KCNQ3: variants seen among roughly 807,000 people sequenced by gnomAD.
The protein encoded by KCNQ3 is potassium voltage-gated channel subfamily KQT member 3.
Under a neutral mutation model 92.5 loss-of-function variants are expected in KCNQ3, and 30 were observed. That is an observed-to-expected ratio of 0.32 (90% CI 0.24 to 0.44). The LOEUF (loss-of-function observed/expected upper bound fraction) is 0.44. Ranked by LOEUF, KCNQ3 falls within the 20% of genes least tolerant of loss-of-function variation. The pLI is 1.00. For missense variants in KCNQ3, 913 were observed against 1,140.3 expected, an observed-to-expected ratio of 0.80 and a Z score of 2.87; for synonymous variants, 450 against 468.8, an observed-to-expected ratio of 0.96 and a Z score of 0.52.
At chr8:132,210,800 T>C (rs755295967) in intron 1 of KCNQ3, among the ~76,000 whole-genome samples, 7 of 152,204 alleles carry the variant, frequency 4.6e-5, no homozygotes. Context: ...TGATGTTATA[T>C]CAAGAGAGAA....
chr8:132,174,595 G>A (rs1225907325), intron 5 of KCNQ3, among the ~76,000 whole-genome samples: 1 of 152,166 alleles, frequency 6.6e-6, no homozygotes, highest in East Asian at 1.9e-4. Context: ...AAATGTGTAT[G>A]TACACGAGCA....
Position 132,134,300 on chromosome 8 carries a change from G to T in KCNQ3, c.1789C>A (p.Gln597Lys). 2 of 1,613,398 alleles carry T rather than the reference G, an allele frequency of 1.2e-6. No individual in the cohort carries two copies. The highest frequency in any genetic ancestry group is 1.7e-6 in the Non-Finnish European group (2 of 1,179,526). The change falls in exon 13 of 15, where the codon CAA becomes AAA. Residue 597 changes from glutamine to lysine, a missense_variant. Physicochemically the swap from Gln to Lys is moderately conservative, Grantham distance 53. This residue lies in a region of KCNQ3 where 375 missense variants were observed against 376.4 expected (regional missense o/e 1.00). Coordinates refer to ENST00000388996, the MANE Select transcript of KCNQ3 (RefSeq NM_004519.4). ...KGSAFTFPSQQSPRNEPYVAR... is the reference protein window; with the variant it reads ...KGSAFTFPSQKSPRNEPYVAR... ...GTCCACTGGCCCCACCTGGGAGATT[G>T]CTGGGATGGGAAGGTGAATGCTGAC... is the stretch of plus-strand genomic sequence containing the variant.
At chr8:132,136,142 A>G (rs976366505) in intron 12 of KCNQ3, among the ~76,000 whole-genome samples, 10 of 149,140 alleles carry the variant, frequency 6.7e-5, no homozygotes, top group East Asian at 1.9e-4. Context: ...AAAAAAAAAA[A>G]AAAAGAAAAG....
At chr8:132,156,713 T>G (rs1481585754) in intron 9 of KCNQ3, among the ~76,000 whole-genome samples, 1 of 152,196 alleles carries the variant, frequency 6.6e-6, no homozygotes, top group African/African-American at 2.4e-5. Context: ...GGTTAAATTG[T>G]GTTGCCCCAC....
chr8:132,411,112 A>C (rs968411459), intron 1 of KCNQ3, among the ~76,000 whole-genome samples: 3 of 152,132 alleles, frequency 2.0e-5, no homozygotes, highest in African/African-American at 7.2e-5. Context: ...GCTGCTGAAA[A>C]CCCATTGTGA....
intron 1 of KCNQ3, among the ~76,000 whole-genome samples, chr8:132,467,876 G>A (rs72723110): frequency 0.07 from 10,699 of 152,260 alleles, 393 homozygotes; most frequent in Middle Eastern, 0.092. Context: ...TTGGAGGCAC[G>A]TGGGGAGGCC....
chr8:132,140,428 T>C (rs1311169700), intron 10 of KCNQ3: 1 of 470,446 alleles, frequency 2.1e-6, no homozygotes, highest in African/African-American at 2.0e-5. Flanking sequence ...GGGAAAAGGC[T>C]AGCAGGGAGG....
intron 1 of KCNQ3, among the ~76,000 whole-genome samples, chr8:132,423,780 G>A (rs549558150): frequency 2.6e-5 from 4 of 152,228 alleles, no homozygotes; most frequent in South Asian, 2.1e-4. Context: ...GAGCCACAGC[G>A]ACCTGCTCAG....
At chr8:132,172,108 G>A (rs1428804950) in intron 7 of KCNQ3, among the ~76,000 whole-genome samples, 1 of 152,046 alleles carries the variant, frequency 6.6e-6, no homozygotes, top group Non-Finnish European at 1.5e-5. Context: ...GATTGCTTGA[G>A]CCTGGGAGAT....
At chr8:132,236,869 T>C (rs1440637901) in intron 1 of KCNQ3, among the ~76,000 whole-genome samples, 1 of 152,204 alleles carries the variant, frequency 6.6e-6, no homozygotes, top group Non-Finnish European at 1.5e-5. Context: ...AAGGGGACCA[T>C]GGGTCAGGGC....
chr8:132,138,436 A>T (rs1825176623), intron 11 of KCNQ3, among the ~76,000 whole-genome samples: 1 of 152,218 alleles, frequency 6.6e-6, no homozygotes, highest in Non-Finnish European at 1.5e-5. Flanking sequence ...CAGGGTGCTG[A>T]CAAGGCTGGT....
At position 132,389,538 on chromosome 8, in the gene KCNQ3, A is replaced by T. The variant is rs190984567; in HGVS notation, c.386+90609T>A. Among the ~76,000 whole-genome samples the T allele has an allele frequency of 7.9e-5, 12 of 152,358 alleles. No homozygotes were observed. In the East Asian group the frequency reaches 2.1e-3, roughly 27 times the overall value. ...CAGAGTGAGAAAAGGCATTTGCTGC[A>T]CATATAACTAACAAAGGGCTTGTAT... On this transcript the variant is annotated intron_variant, in intron 1 of 14. Transcript: ENST00000388996.
At chr8:132,184,506 G>A (rs1005491049) in intron 2 of KCNQ3, 139 bp from the exon 3 acceptor site, 3 of 843,440 alleles carry the variant, frequency 3.6e-6, no homozygotes, top group Non-Finnish European at 5.8e-6. Context: ...GGCTGGGGAT[G>A]GGGGTGGGGA....
intron 10 of KCNQ3, chr8:132,140,576 A>G (rs1483836795): frequency 1.2e-5 from 3 of 241,330 alleles, no homozygotes; most frequent in Non-Finnish European, 2.4e-5. Context: ...GTGACCTTGG[A>G]GAAGTCACTT....
intron 9 of KCNQ3, among the ~76,000 whole-genome samples, chr8:132,160,700 G>A (rs576287111): frequency 6.6e-6 from 1 of 150,798 alleles, no homozygotes; most frequent in African/African-American, 2.5e-5. Flanking sequence ...TGTCTTGACT[G>A]TTTTGATTTA....
chr8:132,372,440 C>A (rs1003616310), intron 1 of KCNQ3, among the ~76,000 whole-genome samples: 8 of 152,064 alleles, frequency 5.3e-5, no homozygotes, highest in African/African-American at 1.9e-4. Context: ...CAGGGCTGTT[C>A]TGAGATGGGA....
At chr8:132,326,107 G>A (rs1262841624) in intron 1 of KCNQ3, among the ~76,000 whole-genome samples, 1 of 152,140 alleles carries the variant, frequency 6.6e-6, no homozygotes, top group Non-Finnish European at 1.5e-5. Context: ...GTCTTTGGGG[G>A]CATTGAAGCA....
chr8:132,308,390 G>T (rs1817494202), intron 1 of KCNQ3, among the ~76,000 whole-genome samples: 1 of 152,164 alleles, frequency 6.6e-6, no homozygotes. Context: ...GAGGGCAGGG[G>T]GAGCCCAGAG....
chr8:132,311,953 G>A (rs7010053), intron 1 of KCNQ3, among the ~76,000 whole-genome samples: 117,789 of 152,038 alleles, frequency 0.77, 46,087 homozygotes, highest in East Asian at 0.89. Flanking sequence ...GACTGATATC[G>A]TTATAAACAG....
Sources: gnomAD v4.1 joint callset for allele counts (sites outside exome capture counted in the v4.1 genomes callset) on GRCh38, gnomAD v4.1.1 for gene constraint, gnomAD v4.1.1 regional missense constraint, MANE v1.5 for transcripts, NCBI Gene and HGNC (gene_info 2026-07-23, HGNC 2026-07-21) for gene names.